Variants in NPBWR1 observed in about 807,000 individuals in gnomAD.
NPBWR1 encodes the protein neuropeptides B and W receptor 1, also known as neuropeptides B/W receptor type 1.
In NPBWR1, 4 loss-of-function variants were observed where a neutral mutation model predicts 2.8. That is an observed-to-expected ratio of 1.44 (90% CI 0.71 to 3.29). The LOEUF is 3.29. NPBWR1 is among the 30% of genes most tolerant of loss of function. The pLI is 0.01. For missense variants in NPBWR1, 545 were observed against 462.5 expected, an observed-to-expected ratio of 1.18 and a Z score of -1.64; for synonymous variants, 250 against 224.5, an observed-to-expected ratio of 1.11 and a Z score of -1.02.
rs538695543 is a variant in NPBWR1 at position 52,941,439 on chromosome 8, C to T, written c.*545C>T. Among the ~76,000 whole-genome samples, 2 of 152,146 alleles carry T rather than the reference C, an allele frequency of 1.3e-5. No homozygotes were observed. The highest frequency in any genetic ancestry group is 2.9e-5 in the Non-Finnish European group (2 of 68,020). Reference sequence around the variant, plus strand: ...GCGTTTGGCGCCCACCCCTGTGAGACCCGCTTGGCCTGGCGCCGCGGGCGG... The same window carrying T: ...GCGTTTGGCGCCCACCCCTGTGAGATCCGCTTGGCCTGGCGCCGCGGGCGG... On this transcript the variant is annotated 3_prime_UTR_variant, in exon 2 of 2. Coordinates refer to ENST00000674939, the MANE Select transcript of NPBWR1 (RefSeq NM_005285.5).
Position 52,940,427 on chromosome 8 carries a change from G to T in NPBWR1, c.520G>T (p.Ala174Ser), listed in dbSNP as rs183071113. 6.3e-7 allele frequency: 1 copy of T among 1,598,120 alleles called. No individual in the cohort carries two copies. Among genetic ancestry groups the T allele is most frequent in the Non-Finnish European group, 8.5e-7 (1 of 1,177,520 alleles). The stretch of plus-strand genomic sequence containing the variant: ...CGTCACACTCGTCGTGCTGCCCTTC[G>T]CAGTCTTCGCCCGGCTAGACGACGA... The part of the protein sequence containing the change: ...GIVTLVVLPF[A>S]VFARLDDEQG... Residue 174 changes from alanine to serine, a missense_variant, in exon 2 of 2, where the codon GCA (alanine) becomes TCA (serine). Ala to Ser is a moderately conservative substitution (Grantham distance 99). Coordinates refer to ENST00000674939, the MANE Select transcript of NPBWR1 (RefSeq NM_005285.5).
In NPBWR1 at chr8:52,941,409, C is replaced by G. The variant is rs1204772336; in HGVS notation, c.*515C>G. ...CGCGCGCTCTGGGAAGACGGTCAGG[C>G]GCGCGCGTTTGGCGCCCACCCCTGT... On this transcript the variant is annotated 3_prime_UTR_variant, in exon 2 of 2. Transcript: ENST00000674939. Among the ~76,000 whole-genome samples, 1 of 152,190 alleles carries G rather than the reference C, an allele frequency of 6.6e-6. No homozygotes were observed. Among genetic ancestry groups the G allele is most frequent in the Non-Finnish European group, 1.5e-5 (1 of 68,022 alleles).
Position 52,941,236 on chromosome 8 carries a change from G to C in NPBWR1, c.*342G>C, listed in dbSNP as rs1434816094. On this transcript the variant is annotated 3_prime_UTR_variant, in exon 2 of 2. Transcript: ENST00000674939. ...TGCCCTGCTCCCTGCTGCCCCACCC[G>C]AGCCCTGGCAGTCTGGAACCTGGCT... The C allele has an allele frequency of 7.9e-6, 2 of 253,930 alleles. No individual in the cohort carries two copies. Among genetic ancestry groups the C allele is most frequent in the Non-Finnish European group, 1.5e-5 (2 of 134,308 alleles). The allele number at this position is 253,930 out of a possible 1,614,324, so 15.7% of individuals were successfully genotyped here.
intron 1 of NPBWR1, 21 bp from the exon 2 acceptor site, chr8:52,939,690 G>A: frequency 3.8e-6 from 2 of 529,964 alleles, no homozygotes; most frequent in Non-Finnish European, 6.5e-6. Context: ...ACTAACCTAT[G>A]CTTTAAATTC....
rs1245792886 is a variant in NPBWR1 at position 52,941,853 on chromosome 8, C to T, written c.*959C>T. Among the ~76,000 whole-genome samples the T allele has an allele frequency of 1.3e-5, 2 of 152,208 alleles. No individual in the cohort carries two copies. Among genetic ancestry groups the T allele is most frequent in the African/African-American group, 2.4e-5 (1 of 41,474 alleles). On this transcript the variant is annotated 3_prime_UTR_variant, in exon 2 of 2. Coordinates refer to ENST00000674939, the MANE Select transcript of NPBWR1 (RefSeq NM_005285.5). ...TTTGTGGTGGAGCACTCCGGCTGAGCGCGCTTCACAGCGCTGTGGCACACT... is the reference window on the plus strand; with the variant it reads ...TTTGTGGTGGAGCACTCCGGCTGAGTGCGCTTCACAGCGCTGTGGCACACT...
Position 52,940,428 on chromosome 8 carries a change from C to A in NPBWR1, c.521C>A (p.Ala174Glu). ...GTCACACTCGTCGTGCTGCCCTTCG[C>A]AGTCTTCGCCCGGCTAGACGACGAG... ...GIVTLVVLPF[A>E]VFARLDDEQG... Residue 174 changes from alanine to glutamate, a missense_variant, in exon 2 of 2, where the codon GCA becomes GAA. Transcript: ENST00000674939. 2 of 1,598,188 alleles carry A rather than the reference C, an allele frequency of 1.3e-6. No homozygotes were observed. The highest frequency in any genetic ancestry group is 1.7e-6 in the Non-Finnish European group (2 of 1,177,478).
At position 52,940,110 on chromosome 8, in the gene NPBWR1, T is replaced by A; in HGVS notation, c.203T>A (p.Met68Lys). 6.2e-7 allele frequency: 1 copy of A among 1,612,796 alleles called. No homozygotes were observed. Among genetic ancestry groups the A allele is most frequent in the Non-Finnish European group, 8.5e-7 (1 of 1,179,980 alleles). ...VLYVLLRAPR[M>K]KTVTNLFILN... Reference sequence around the variant, plus strand: ...TACGTGTTGCTGCGGGCGCCCCGCATGAAGACCGTCACCAACCTGTTCATC... The same window carrying A: ...TACGTGTTGCTGCGGGCGCCCCGCAAGAAGACCGTCACCAACCTGTTCATC... Residue 68 changes from methionine (M) to lysine (K), a missense_variant, in exon 2 of 2, where the codon ATG becomes AAG. Transcript: ENST00000674939.
In NPBWR1 at chr8:52,940,860, T is replaced by TCC. The variant is rs1860185440; in HGVS notation, c.954_955dup (p.Arg319ProfsTer4). ...CTGGACGCCAGCTTCCGCAGGAACC[T>TCC]CCGCCAGCTGATAACTTGCCGCGCG... On this transcript the variant is annotated frameshift_variant, in exon 2 of 2. Coordinates refer to ENST00000674939, the MANE Select transcript of NPBWR1 (RefSeq NM_005285.5). LOFTEE classifies it high-confidence loss of function. 6.2e-7 allele frequency: 1 copy of TCC among 1,611,468 alleles called. No individual in the cohort carries two copies.
In NPBWR1 at chr8:52,940,938, A is replaced by C. The variant is rs780368391; in HGVS notation, c.*44A>C. The C allele has an allele frequency of 6.4e-7, 1 of 1,551,672 alleles. No homozygotes were observed. The highest frequency in any genetic ancestry group is 8.7e-7 in the Non-Finnish European group (1 of 1,153,628). ...CCGCAACTGCCCGCCACTCCTGGCC[A>C]GCGAGGGAGGAGCCGGCGCCAGAGT... On this transcript the variant is annotated 3_prime_UTR_variant, in exon 2 of 2. Transcript: ENST00000674939.
chr8:52,941,475 C>G lies in NPBWR1; in HGVS notation c.*581C>G, dbSNP rs1860201730. The stretch of plus-strand genomic sequence containing the variant: ...TGGCGCCGCGGGCGGGGACCGCTGC[C>G]GAGGCCGCCAGCGCCTCTTCAACTG... On this transcript the variant is annotated 3_prime_UTR_variant, in exon 2 of 2. Transcript: ENST00000674939. Among the ~76,000 whole-genome samples, 1 of 152,158 alleles carries G rather than the reference C, an allele frequency of 6.6e-6. No homozygotes were observed. Among genetic ancestry groups the G allele is most frequent in the African/African-American group, 2.4e-5 (1 of 41,452 alleles).
At position 52,942,623 on chromosome 8, in the gene NPBWR1, T is replaced by C. The variant is rs1404576739; in HGVS notation, c.*1729T>C. ...GGTTGAAAATAGCTTTTAATAAATA[T>C]TTGGAAGGAAAAAACTCCCCCTTGG... On this transcript the variant is annotated 3_prime_UTR_variant, in exon 2 of 2. Transcript: ENST00000674939. Among the ~76,000 whole-genome samples the C allele has an allele frequency of 6.6e-6, 1 of 152,130 alleles. No individual in the cohort carries two copies. The highest frequency in any genetic ancestry group is 1.5e-5 in the Non-Finnish European group (1 of 68,028).
rs976027146 is a variant in NPBWR1, at chr8:52,942,209, T to C, written c.*1315T>C. 8.5e-5 allele frequency among the ~76,000 whole-genome samples: 13 copies of C among 152,246 alleles called. No individual in the cohort carries two copies. The highest frequency in any genetic ancestry group is 3.1e-4 in the African/African-American group (13 of 41,468). On this transcript the variant is annotated 3_prime_UTR_variant, in exon 2 of 2. Transcript: ENST00000674939. The stretch of plus-strand genomic sequence containing the variant: ...AGGGAGCTGTGGATTACCTGGGCTT[T>C]ATTCCTTACTTGTAGACGGCATCCG...
In NPBWR1 at chr8:52,940,047, T is replaced by C. The variant is rs138848391; in HGVS notation, c.140T>C (p.Ile47Thr). Residue 47 changes from isoleucine to threonine, a missense_variant, in exon 2 of 2, where the codon ATC becomes ACC. Coordinates refer to ENST00000674939, the MANE Select transcript of NPBWR1 (RefSeq NM_005285.5). ...GCTGTACCAGTTGTCTACGCGGTGATCTGCGCCGTGGGTCTGGCGGGCAAC... is the reference window on the plus strand; with the variant it reads ...GCTGTACCAGTTGTCTACGCGGTGACCTGCGCCGTGGGTCTGGCGGGCAAC... ...AVAVPVVYAVICAVGLAGNSA... is the reference protein window; with the variant it reads ...AVAVPVVYAVTCAVGLAGNSA... The C allele has an allele frequency of 2.5e-3, 4,015 of 1,608,154 alleles. 6 individuals carry two copies. Among genetic ancestry groups the C allele is most frequent in the Non-Finnish European group, 3.1e-3 (3,614 of 1,179,876 alleles).
At position 52,939,222 on chromosome 8, in the gene NPBWR1, C is replaced by G. The variant is rs1391400339; in HGVS notation, c.-342C>G. ...GGCGCGCGGGAGGGACCGGCGGGGACGCGAGCTGCGGACTCTGGCGAACTC... is the reference window on the plus strand; with the variant it reads ...GGCGCGCGGGAGGGACCGGCGGGGAGGCGAGCTGCGGACTCTGGCGAACTC... On this transcript the variant is annotated 5_prime_UTR_variant, in exon 1 of 2. Coordinates refer to ENST00000674939, the MANE Select transcript of NPBWR1 (RefSeq NM_005285.5). 6.6e-6 allele frequency: 1 copy of G among 151,884 alleles called. No homozygotes were observed. Among genetic ancestry groups the G allele is most frequent in the Non-Finnish European group, 1.5e-5 (1 of 68,006 alleles). The allele number at this position is 151,884 out of a possible 1,614,324, so 9.4% of individuals were successfully genotyped here.
rs199589648 is a variant in NPBWR1 at position 52,940,790 on chromosome 8, C to G, written c.883C>G (p.Leu295Val). 1 of 1,614,148 alleles carries G rather than the reference C, an allele frequency of 6.2e-7. No homozygotes were observed. The highest frequency in any genetic ancestry group is 8.5e-7 in the Non-Finnish European group (1 of 1,180,010). The change falls in exon 2 of 2, where the codon CTG (leucine) becomes GTG (valine). Residue 295 changes from leucine (L) to valine (V), a missense_variant. By Grantham distance (32) the Leu-to-Val change is conservative. Transcript: ENST00000674939. ...VIAISYFITS[L>V]SYANSCLNPF... ...CGCTATCTCCTACTTCATCACCAGC[C>G]TGAGCTACGCCAACAGCTGCCTCAA...
In NPBWR1 at chr8:52,942,075, A is replaced by T. The variant is rs1402021751; in HGVS notation, c.*1181A>T. The stretch of plus-strand genomic sequence containing the variant: ...ATCAAATAAGATAAAAAGAAATGCG[A>T]TCTATTCTCTTGTGTTCCCTTTCTC... On this transcript the variant is annotated 3_prime_UTR_variant, in exon 2 of 2. Coordinates refer to ENST00000674939, the MANE Select transcript of NPBWR1 (RefSeq NM_005285.5). Among the ~76,000 whole-genome samples the T allele has an allele frequency of 6.6e-6, 1 of 152,240 alleles. No homozygotes were observed. Among genetic ancestry groups the T allele is most frequent in the African/African-American group, 2.4e-5 (1 of 41,468 alleles).
rs1860183643 is a variant in NPBWR1 at position 52,940,804 on chromosome 8, C to G, written c.897C>G (p.Asn299Lys). 3 of 1,614,144 alleles carry G rather than the reference C, an allele frequency of 1.9e-6. No individual in the cohort carries two copies. Among genetic ancestry groups the G allele is most frequent in the African/African-American group, 2.7e-5 (2 of 75,066 alleles). The change falls in exon 2 of 2, where the codon AAC becomes AAG. Residue 299 changes from asparagine (N) to lysine (K), a missense_variant. By Grantham distance (94) the Asn-to-Lys change is moderately conservative. Coordinates refer to ENST00000674939, the MANE Select transcript of NPBWR1 (RefSeq NM_005285.5). ...TCATCACCAGCCTGAGCTACGCCAA[C>G]AGCTGCCTCAACCCCTTCCTCTACG... ...SYFITSLSYA[N>K]SCLNPFLYAF...
chr8:52,939,845 C>G lies in NPBWR1; in HGVS notation c.-63C>G. On this transcript the variant is annotated 5_prime_UTR_variant, in exon 2 of 2. Coordinates refer to ENST00000674939, the MANE Select transcript of NPBWR1 (RefSeq NM_005285.5). ...TCCGTGCAGAACCGGGCTTCAGGAC[C>G]GCTGAGCTCCGTAGGGCGTCCTTGG... 1.4e-6 allele frequency: 2 copies of G among 1,447,640 alleles called. No individual in the cohort carries two copies. Among genetic ancestry groups the G allele is most frequent in the Non-Finnish European group, 1.8e-6 (2 of 1,105,192 alleles). 89.7% of individuals were successfully genotyped at this position (1,447,640 alleles called of 1,614,324 possible).
rs1563547800 is a variant in NPBWR1, at chr8:52,939,260, CA to C, written c.-303del. ...CTCTGGCGAACTCGGGGGAGGCAGA[CA>C]GGGGGAGGCGGACACCCAGCCGGCA... is the stretch of plus-strand genomic sequence containing the variant. On this transcript the variant is annotated 5_prime_UTR_variant, in exon 1 of 2. Coordinates refer to ENST00000674939, the MANE Select transcript of NPBWR1 (RefSeq NM_005285.5). 1 of 152,080 alleles carries C rather than the reference CA, an allele frequency of 6.6e-6. No individual in the cohort carries two copies. Among genetic ancestry groups the C allele is most frequent in the Non-Finnish European group, 1.5e-5 (1 of 68,050 alleles). 9.4% of individuals were successfully genotyped at this position (152,080 alleles called of 1,614,324 possible).
Sources: allele counts gnomAD v4.1 joint callset (sites outside exome capture counted in the v4.1 genomes callset), GRCh38; gene constraint gnomAD v4.1.1; transcripts MANE v1.5; gene names NCBI Gene and HGNC (gene_info 2026-07-23, HGNC 2026-07-21).